Variants in PDZD8 observed in about 807,000 individuals in gnomAD.
PDZD8 encodes PDZ domain-containing protein 8.
PDZD8 carries 14 observed loss-of-function variants against 85.8 expected under a neutral mutation model. That is an observed-to-expected ratio of 0.16 (90% CI 0.11 to 0.26). The LOEUF is 0.26. PDZD8 is among the 10% of genes least tolerant of loss of function. The pLI, the probability that PDZD8 is intolerant of heterozygous loss-of-function variation, is 1.00. For synonymous variants in PDZD8, 592 were observed against 568.6 expected (o/e 1.04, Z -0.59); for missense variants, 1,197 against 1,424.3 (o/e 0.84, Z 2.57).
chr10:117,345,469 A>G (rs769572803), intron 1 of PDZD8, among the ~76,000 whole-genome samples: 1 of 152,114 alleles, frequency 6.6e-6, no homozygotes, highest in Admixed American at 6.5e-5. Context: ...GCAATAAGAG[A>G]GTTAACACTA....
chr10:117,368,490 T>C (rs963073251), intron 1 of PDZD8, among the ~76,000 whole-genome samples: 2 of 152,126 alleles, frequency 1.3e-5, no homozygotes, highest in African/African-American at 4.8e-5. Flanking sequence ...TCCAATGTAA[T>C]AGAAAGGAAA....
At chr10:117,317,597 A>C (rs753526027) in intron 3 of PDZD8, among the ~76,000 whole-genome samples, 1 of 152,222 alleles carries the variant, frequency 6.6e-6, no homozygotes, top group Non-Finnish European at 1.5e-5. Context: ...AGGATATTGA[A>C]AATGCCAATA....
intron 1 of PDZD8, among the ~76,000 whole-genome samples, chr10:117,342,666 T>C (rs1016541421): frequency 6.6e-6 from 1 of 152,104 alleles, no homozygotes; most frequent in Non-Finnish European, 1.5e-5. Flanking sequence ...TTAGCAGAGA[T>C]GGGGTTTTGC....
intron 3 of PDZD8, among the ~76,000 whole-genome samples, chr10:117,309,884 C>T (rs1844007572): frequency 6.6e-6 from 1 of 152,088 alleles, no homozygotes; most frequent in Non-Finnish European, 1.5e-5. Context: ...TGACTAAGGT[C>T]ATGCTGGAAA....
rs1043230385 is a variant in PDZD8, at chr10:117,279,908, G to A, written c.*3360C>T. 2.6e-5 allele frequency: 4 copies of A among 152,134 alleles called. No individual in the cohort carries two copies. Among genetic ancestry groups the A allele is most frequent in the African/African-American group, 9.7e-5 (4 of 41,438 alleles). The allele number at this position is 152,134 out of a possible 1,614,324, so 9.4% of individuals were successfully genotyped here. A position where few individuals can be genotyped will look rare whatever the true frequency, so the allele number is the denominator to read the frequency against. ...GGGGAACCTCTCCTTCTTTTGGTAAGAAAAGCAATTATGTCAATTTAGAAG... is the reference window on the plus strand; with the variant it reads ...GGGGAACCTCTCCTTCTTTTGGTAAAAAAAGCAATTATGTCAATTTAGAAG... On this transcript the variant is annotated 3_prime_UTR_variant, in exon 5 of 5. Transcript: ENST00000334464.
intron 1 of PDZD8, among the ~76,000 whole-genome samples, chr10:117,352,573 A>T (rs1589587231): frequency 6.6e-6 from 1 of 152,234 alleles, no homozygotes; most frequent in South Asian, 2.1e-4. Context: ...GATATTGGAA[A>T]AGCCTTTTAT....
chr10:117,284,674 G>A lies in PDZD8; in HGVS notation c.2059C>T (p.Arg687Cys), dbSNP rs945123110. 8 of 1,614,124 alleles carry A rather than the reference G, an allele frequency of 5.0e-6. No individual in the cohort carries two copies. The highest frequency in any genetic ancestry group is 1.7e-5 in the Admixed American group (1 of 60,024). Reference protein sequence around the residue: ...QTWESSEILYRNKLGKWTRTR... With the variant: ...QTWESSEILYCNKLGKWTRTR... ...CTTGTCCATTTTCCTAGCTTATTAC[G>A]ATAAAGAATTTCTGATGATTCCCAT... Residue 687 changes from arginine (R) to cysteine (C), a missense_variant, in exon 5 of 5, where the codon CGT becomes TGT. Around this residue, in one of 4 missense-constraint regions of PDZD8, gnomAD observed 418 missense variants for 571.1 expected, o/e 0.73. Transcript: ENST00000334464.
intron 4 of PDZD8, among the ~76,000 whole-genome samples, chr10:117,286,661 G>C (rs577313369): frequency 2.7e-4 from 41 of 152,216 alleles, no homozygotes; most frequent in Non-Finnish European, 4.9e-4. Flanking sequence ...ACTACTTTTA[G>C]GCAACTTCCC....
chr10:117,294,750 A>G (rs1436454963), intron 3 of PDZD8, among the ~76,000 whole-genome samples: 1 of 152,220 alleles, frequency 6.6e-6, no homozygotes, highest in Non-Finnish European at 1.5e-5. Context: ...AAGTGAAATA[A>G]GCCAGGCAGA....
At chr10:117,300,936 TTTG>T (rs1189869131) in intron 3 of PDZD8, among the ~76,000 whole-genome samples, 2 of 152,222 alleles carry the variant, frequency 1.3e-5, no homozygotes, top group East Asian at 3.9e-4. Context: ...AGCCACTCAG[TTTG>T]TTATTTTTGT....
At chr10:117,329,536 C>T (rs1387583116) in intron 2 of PDZD8, among the ~76,000 whole-genome samples, 1 of 152,216 alleles carries the variant, frequency 6.6e-6, no homozygotes, top group Non-Finnish European at 1.5e-5. Context: ...ATAACTCCCA[C>T]AAGCTTAGAG....
chr10:117,307,667 A>G (rs1164551787), intron 3 of PDZD8, among the ~76,000 whole-genome samples: 3 of 152,070 alleles, frequency 2.0e-5, no homozygotes, highest in Non-Finnish European at 4.4e-5. Flanking sequence ...GTACAATCCA[A>G]TATCAATGTA....
chr10:117,370,401 C>G (rs2133894191), intron 1 of PDZD8, among the ~76,000 whole-genome samples: 1 of 152,010 alleles, frequency 6.6e-6, no homozygotes, highest in South Asian at 2.1e-4. Flanking sequence ...ACGAAAAAGG[C>G]AAAATAAATG....
In PDZD8 at chr10:117,280,216, TCA is replaced by T. The variant is rs1177158141; in HGVS notation, c.*3050_*3051del. On this transcript the variant is annotated 3_prime_UTR_variant, in exon 5 of 5. Transcript: ENST00000334464. ...ATTGCTAATAATGCTAAAATGTTGC[TCA>T]GTTTGTCTAAGCCATTCACTCAGCT... is the stretch of plus-strand genomic sequence containing the variant. 6.6e-6 allele frequency: 1 copy of T among 152,178 alleles called. No individual in the cohort carries two copies. Among genetic ancestry groups the T allele is most frequent in the Non-Finnish European group, 1.5e-5 (1 of 68,022 alleles). 9.4% of individuals were successfully genotyped at this position (152,178 alleles called of 1,614,324 possible).
intron 4 of PDZD8, among the ~76,000 whole-genome samples, chr10:117,289,779 T>C (rs1227172518): frequency 6.6e-6 from 1 of 152,150 alleles, no homozygotes; most frequent in Non-Finnish European, 1.5e-5. Flanking sequence ...TAGTGCTAAG[T>C]GATGGGGGCA....
At chr10:117,329,972 GGAA>G (rs1310980566) in intron 2 of PDZD8, among the ~76,000 whole-genome samples, 2 of 31,082 alleles carry the variant, frequency 6.4e-5, no homozygotes, top group Non-Finnish European at 1.6e-4. Context: ...AGGAAGGGAA[GGAA>G]GGAAGGAAGG....
intron 2 of PDZD8, among the ~76,000 whole-genome samples, chr10:117,323,830 G>C (rs1844268475): frequency 6.6e-6 from 1 of 152,114 alleles, no homozygotes; most frequent in African/African-American, 2.4e-5. Flanking sequence ...ATCCAGACCT[G>C]CGTGCTAGAG....
chr10:117,357,913 A>G (rs935729800), intron 1 of PDZD8, among the ~76,000 whole-genome samples: 9 of 151,684 alleles, frequency 5.9e-5, no homozygotes, highest in Non-Finnish European at 2.9e-5. Flanking sequence ...TGATAAAAAT[A>G]TGAGCGCTAC....
At chr10:117,293,611 A>G (rs1205175323) in intron 3 of PDZD8, among the ~76,000 whole-genome samples, 1 of 152,136 alleles carries the variant, frequency 6.6e-6, no homozygotes, top group African/African-American at 2.4e-5. Context: ...TAACTTTACT[A>G]AAGCTGCTGC....
Sources: gnomAD v4.1 joint callset for allele counts (sites outside exome capture counted in the v4.1 genomes callset) on GRCh38, gnomAD v4.1.1 for gene constraint, gnomAD v4.1.1 regional missense constraint, MANE v1.5 for transcripts, NCBI Gene and HGNC (gene_info 2026-07-23, HGNC 2026-07-21) for gene names.